The following SLC24A2 variants were observed in gnomAD, a reference collection of about 807,000 sequenced individuals.
The protein encoded by SLC24A2 is solute carrier family 24 member 2.
SLC24A2 carries 36 observed loss-of-function variants against 62.0 expected under a neutral mutation model. That is an observed-to-expected ratio of 0.58 (90% CI 0.44 to 0.77). SLC24A2 has a LOEUF of 0.77. Ranked by LOEUF, SLC24A2 falls within the 30% of genes least tolerant of loss-of-function variation. The pLI is 0.00. For synonymous variants in SLC24A2, 358 were observed against 294.0 expected (o/e 1.22, Z -2.23); for missense variants, 846 against 817.9 (o/e 1.03, Z -0.42).
At chr9:19,795,244 T>C in the SLC24A2 span, among the ~76,000 whole-genome samples, 1 of 152,140 alleles carries the variant, frequency 6.6e-6, no homozygotes, top group African/African-American at 2.4e-5. Context: ...CTCAGCATCC[T>C]GACACTGTGT....
At chr9:19,530,817 C>G (rs1265192470) in intron 8 of SLC24A2, among the ~76,000 whole-genome samples, 1 of 152,162 alleles carries the variant, frequency 6.6e-6, no homozygotes. Context: ...CAGTCTTCAT[C>G]ATAAGCTAGA....
chr9:19,572,798 G>A (rs779291386), intron 7 of SLC24A2, among the ~76,000 whole-genome samples: 2 of 152,214 alleles, frequency 1.3e-5, no homozygotes, highest in Non-Finnish European at 2.9e-5. Flanking sequence ...AGTTCAAGTG[G>A]TTGTGCCATT....
At chr9:19,935,961 A>T in the SLC24A2 span, among the ~76,000 whole-genome samples, 1 of 152,346 alleles carries the variant, frequency 6.6e-6, no homozygotes, top group South Asian at 2.1e-4. Flanking sequence ...GTGCCTTAAA[A>T]TATTTAGGAA....
chr9:19,848,420 A>T, the SLC24A2 span, among the ~76,000 whole-genome samples: 1 of 152,120 alleles, frequency 6.6e-6, no homozygotes, highest in African/African-American at 2.4e-5. Flanking sequence ...CTGTTTCTTC[A>T]CTTATAAAAT....
the SLC24A2 span, among the ~76,000 whole-genome samples, chr9:19,836,012 A>T: frequency 2.6e-5 from 4 of 152,160 alleles, no homozygotes; most frequent in Admixed American, 6.5e-5. Flanking sequence ...GAAATAAAGA[A>T]GTTCTTTGAA....
At position 19,660,757 on chromosome 9, in the gene SLC24A2, T is replaced by C. The variant is rs76870527; in HGVS notation, c.931-38458A>G. On this transcript the variant is annotated intron_variant, in intron 2 of 10. Coordinates refer to ENST00000341998, the MANE Select transcript of SLC24A2 (RefSeq NM_020344.4). ...ATGAAAGGAAAGTGTATTCTAGAAC[T>C]TTTAGCACAACCAACACCCCCAGCT... Among the ~76,000 whole-genome samples the C allele has an allele frequency of 4.0e-4, 61 of 152,324 alleles. No individual in the cohort carries two copies. In the East Asian group the frequency reaches 0.012, roughly 29 times the overall value.
the SLC24A2 span, among the ~76,000 whole-genome samples, chr9:19,888,387 T>C: frequency 1.3e-5 from 2 of 152,196 alleles, no homozygotes; most frequent in Non-Finnish European, 2.9e-5. Flanking sequence ...CTTTTGTTCA[T>C]TGATAAAACC....
At chr9:20,219,955 C>G in the SLC24A2 span, among the ~76,000 whole-genome samples, 42,475 of 152,038 alleles carry the variant, frequency 0.28, 7,139 homozygotes, top group African/African-American at 0.48. Flanking sequence ...TCTATCCTAC[C>G]TACCATACAG....
At position 19,789,015 on chromosome 9, in the gene SLC24A2, C is replaced by T. The variant is rs1271622660; in HGVS notation, c.-284G>A. On this transcript the variant is annotated 5_prime_UTR_variant, in exon 1 of 11. Coordinates refer to ENST00000341998, the MANE Select transcript of SLC24A2 (RefSeq NM_020344.4). ...CGCACTGGCTGCCGCTCTCGCCAGCCGGGCTGGGTTCGGGAGGAGACTGAG... is the reference window on the plus strand; with the variant it reads ...CGCACTGGCTGCCGCTCTCGCCAGCTGGGCTGGGTTCGGGAGGAGACTGAG... The T allele has an allele frequency of 2.1e-6, 2 of 933,462 alleles. No individual in the cohort carries two copies. The highest frequency in any genetic ancestry group is 2.6e-6 in the Non-Finnish European group (2 of 782,480). The allele number at this position is 933,462 out of a possible 1,614,324, so 57.8% of individuals were successfully genotyped here.
the SLC24A2 span, among the ~76,000 whole-genome samples, chr9:20,172,927 A>C: frequency 6.6e-6 from 1 of 152,060 alleles, no homozygotes; most frequent in East Asian, 1.9e-4. Flanking sequence ...ATATACAAAA[A>C]TCCTTAACAA....
chr9:19,596,564 A>C (rs993782943), intron 5 of SLC24A2, among the ~76,000 whole-genome samples: 4 of 152,202 alleles, frequency 2.6e-5, no homozygotes, highest in Non-Finnish European at 5.9e-5. Context: ...CAGTGCCTGG[A>C]ATTCATTAAT....
chr9:19,886,466 C>T, the SLC24A2 span, among the ~76,000 whole-genome samples: 16 of 152,066 alleles, frequency 1.1e-4, no homozygotes, highest in East Asian at 9.7e-4. Context: ...AGCTCAACAC[C>T]GCTGATCATT....
rs949915452 is a variant in SLC24A2, at chr9:19,788,974, G to T, written c.-243C>A. 5.1e-6 allele frequency: 5 copies of T among 983,732 alleles called. No individual in the cohort carries two copies. The highest frequency in any genetic ancestry group is 4.8e-6 in the Non-Finnish European group (4 of 828,370). The allele number at this position is 983,732 out of a possible 1,614,324, so 60.9% of individuals were successfully genotyped here. On this transcript the variant is annotated 5_prime_UTR_variant, in exon 1 of 11. Coordinates refer to ENST00000341998, the MANE Select transcript of SLC24A2 (RefSeq NM_020344.4). ...CCGGCCCTCCGCCTACCCGCTCTGA[G>T]GCCCGGGCTCTGGCTCGCACTGGCT...
chr9:19,693,401 T>C (rs1820097716), intron 2 of SLC24A2, among the ~76,000 whole-genome samples: 1 of 152,160 alleles, frequency 6.6e-6, no homozygotes, highest in Admixed American at 6.6e-5. Flanking sequence ...AGGTGCACCA[T>C]GACTGTTTAC....
At chr9:19,757,363 C>T (rs988723359) in intron 2 of SLC24A2, among the ~76,000 whole-genome samples, 21 of 152,106 alleles carry the variant, frequency 1.4e-4, no homozygotes, top group African/African-American at 5.1e-4. Context: ...AAAAATTTCA[C>T]TGATTCATAA....
At chr9:19,704,677 G>A (rs1463549095) in intron 2 of SLC24A2, among the ~76,000 whole-genome samples, 1 of 152,088 alleles carries the variant, frequency 6.6e-6, no homozygotes, top group South Asian at 2.1e-4. Context: ...TTTAATCAAT[G>A]TAACAAGAAA....
At chr9:19,676,341 T>C (rs2118356749) in intron 2 of SLC24A2, among the ~76,000 whole-genome samples, 1 of 152,330 alleles carries the variant, frequency 6.6e-6, no homozygotes, top group South Asian at 2.1e-4. Flanking sequence ...AATGTGAGTC[T>C]CCACAAGCTG....
At chr9:20,219,321 G>C in the SLC24A2 span, among the ~76,000 whole-genome samples, 1 of 152,164 alleles carries the variant, frequency 6.6e-6, no homozygotes, top group Non-Finnish European at 1.5e-5. Context: ...TGCACTGGAA[G>C]TCTGCAGCAC....
the SLC24A2 span, among the ~76,000 whole-genome samples, chr9:19,832,913 C>A: frequency 2.0e-5 from 3 of 152,042 alleles, no homozygotes; most frequent in East Asian, 1.9e-4. Context: ...AAACAACCCC[C>A]TCAAAAAGTG....
Sources: allele counts gnomAD v4.1 joint callset (sites outside exome capture counted in the v4.1 genomes callset), GRCh38; gene constraint gnomAD v4.1.1; transcripts MANE v1.5; gene names NCBI Gene and HGNC (gene_info 2026-07-23, HGNC 2026-07-21).